The following KLHL28 variants were observed in gnomAD, a reference collection of about 807,000 sequenced individuals.
KLHL28 encodes kelch-like protein 28.
KLHL28 carries 22 observed loss-of-function variants against 48.3 expected under a neutral mutation model. The observed-to-expected ratio is 0.46, with a 90% CI of 0.33 to 0.65. The LOEUF (loss-of-function observed/expected upper bound fraction) is 0.65. Among genes scored for constraint, KLHL28 ranks in the 30% least tolerant of loss-of-function variants. The pLI, the probability that KLHL28 is intolerant of heterozygous loss-of-function variation, is 0.03. For synonymous variants in KLHL28, 243 were observed against 242.4 expected (o/e 1.00, Z -0.02); for missense variants, 527 against 704.3 (o/e 0.75, Z 2.85).
intron 4 of KLHL28, among the ~76,000 whole-genome samples, chr14:44,930,611 G>A (rs1322802905): frequency 6.6e-6 from 1 of 152,138 alleles, no homozygotes; most frequent in African/African-American, 2.4e-5. Flanking sequence ...CAAAGAAAGT[G>A]TTCACTTAAG....
At chr14:44,959,410 T>C (rs1003805045) in intron 1 of KLHL28, 2 of 152,148 alleles carry the variant, frequency 1.3e-5, no homozygotes, top group Non-Finnish European at 2.9e-5. Flanking sequence ...TTAATATTAA[T>C]AGCAACTTTC....
At chr14:44,935,555 C>T (rs1883774207) in intron 2 of KLHL28, among the ~76,000 whole-genome samples, 2 of 151,964 alleles carry the variant, frequency 1.3e-5, no homozygotes, top group Non-Finnish European at 2.9e-5. Flanking sequence ...ATGAATTTCA[C>T]AAACATTGTT....
In KLHL28 at chr14:44,945,629, A is replaced by G. The variant is rs2138632180; in HGVS notation, c.300T>C (p.Ile100=). The part of the protein sequence containing the change: ...VEYAYTGTVF[I]SQDTVESLLP... ...GGAGAGATTCAACTGTGTCCTGAGA[A>G]ATAAAAACAGTCCCTGTATAGGCAT... Residue 100 remains isoleucine (I), a synonymous_variant, in exon 2 of 5, where the codon ATT becomes ATC. Coordinates refer to ENST00000396128, the MANE Select transcript of KLHL28 (RefSeq NM_017658.5). The G allele has an allele frequency of 1.2e-6, 2 of 1,614,204 alleles. No homozygotes were observed. Among genetic ancestry groups the G allele is most frequent in the East Asian group, 4.5e-5 (2 of 44,884 alleles).
At chr14:44,934,022 CAT>C in intron 3 of KLHL28, 91 bp downstream of exon 3, 1 of 973,878 alleles carries the variant, frequency 1.0e-6, no homozygotes, top group Non-Finnish European at 1.5e-6. Flanking sequence ...GAAGTTCATT[CAT>C]ACACACAAAT....
In KLHL28 at chr14:44,945,608, A is replaced by T. The variant is rs140984135; in HGVS notation, c.321T>A (p.Ser107=). 1.7e-3 allele frequency: 2,738 copies of T among 1,614,176 alleles called. 16 individuals are homozygous for T. Among genetic ancestry groups the T allele is most frequent in the Non-Finnish European group, 1.2e-3 (1,448 of 1,180,022 alleles). The change falls in exon 2 of 5, where the codon TCT becomes TCA. Residue 107 remains serine (S), a synonymous_variant. Transcript: ENST00000396128. ...TVFISQDTVE[S]LLPAANLLQI... Reference sequence around the variant, plus strand: ...GGAGTAGGTTTGCTGCTGGCAGGAGAGATTCAACTGTGTCCTGAGAAATAA... The same window carrying T: ...GGAGTAGGTTTGCTGCTGGCAGGAGTGATTCAACTGTGTCCTGAGAAATAA...
At chr14:44,950,035 G>A (rs919440787) in intron 1 of KLHL28, among the ~76,000 whole-genome samples, 25 of 152,152 alleles carry the variant, frequency 1.6e-4, no homozygotes, top group African/African-American at 5.8e-4. Flanking sequence ...TAATGGAACA[G>A]AGGTACTGAG....
At chr14:44,936,556 G>C (rs1469746748) in intron 2 of KLHL28, among the ~76,000 whole-genome samples, 1 of 152,122 alleles carries the variant, frequency 6.6e-6, no homozygotes, top group Non-Finnish European at 1.5e-5. Flanking sequence ...GTTTTTAAGA[G>C]AGCAGAAGGT....
chr14:44,929,211 A>G lies in KLHL28; in HGVS notation c.1553-20T>C, dbSNP rs1326692405. 1 of 1,579,666 alleles carries G rather than the reference A, an allele frequency of 6.3e-7. No individual in the cohort carries two copies. Among genetic ancestry groups the G allele is most frequent in the Non-Finnish European group, 8.6e-7 (1 of 1,161,614 alleles). On this transcript the variant is annotated intron_variant, in intron 4 of 4. Transcript: ENST00000396128. Reference sequence around the variant, plus strand: ...CAACTCCTAGGAAAGGTTGGCAAAAAGAAGATAGAAACATGTTAACCATGA... The same window carrying G: ...CAACTCCTAGGAAAGGTTGGCAAAAGGAAGATAGAAACATGTTAACCATGA...
chr14:44,933,523 A>C (rs535070656), intron 3 of KLHL28, among the ~76,000 whole-genome samples: 91 of 152,206 alleles, frequency 6.0e-4, no homozygotes, highest in African/African-American at 2.2e-3. Flanking sequence ...GTTCAGAATT[A>C]CGATTAATTT....
chr14:44,938,315 G>A (rs1883910811), intron 2 of KLHL28, among the ~76,000 whole-genome samples: 1 of 151,750 alleles, frequency 6.6e-6, no homozygotes, highest in African/African-American at 2.4e-5. Flanking sequence ...GGGAGAAAAA[G>A]GAAATACAAA....
At chr14:44,939,218 G>A (rs1476924044) in intron 2 of KLHL28, among the ~76,000 whole-genome samples, 1 of 152,136 alleles carries the variant, frequency 6.6e-6, no homozygotes, top group African/African-American at 2.4e-5. Flanking sequence ...AGCATGTGGA[G>A]GGTGTCCCAG....
Position 44,931,467 on chromosome 14 carries a change from C to G in KLHL28, c.1418G>C (p.Gly473Ala). 6.2e-7 allele frequency: 1 copy of G among 1,614,020 alleles called. No homozygotes were observed. The highest frequency in any genetic ancestry group is 8.5e-7 in the Non-Finnish European group (1 of 1,179,948). The change falls in exon 4 of 5, where the codon GGC (glycine) becomes GCC (alanine). Residue 473 changes from glycine to alanine, a missense_variant. Coordinates refer to ENST00000396128, the MANE Select transcript of KLHL28 (RefSeq NM_017658.5). ...AATAAAGCCTAGCATGACACCCACGCCAAAGTGAATCCTTTTATCTGCCAT... is the reference window on the plus strand; with the variant it reads ...AATAAAGCCTAGCATGACACCCACGGCAAAGTGAATCCTTTTATCTGCCAT... ...ASMADKRIHF[G>A]VGVMLGFIFV...
At chr14:44,948,265 G>T (rs996091321) in intron 1 of KLHL28, among the ~76,000 whole-genome samples, 2 of 152,052 alleles carry the variant, frequency 1.3e-5, no homozygotes, top group South Asian at 2.1e-4. Flanking sequence ...ATGTAGCTGA[G>T]GTTTTTGAGG....
chr14:44,952,729 T>C (rs935625887), intron 1 of KLHL28, among the ~76,000 whole-genome samples: 1 of 152,110 alleles, frequency 6.6e-6, no homozygotes, highest in Non-Finnish European at 1.5e-5. Context: ...AAATTATACA[T>C]GGCAACTGTG....
chr14:44,944,991 T>C (rs768522453), intron 2 of KLHL28, 39 bp downstream of exon 2: 1 of 1,355,274 alleles, frequency 7.4e-7, no homozygotes, highest in Non-Finnish European at 1.0e-6. Flanking sequence ...AAGCATAAAA[T>C]CAATTAGCAT....
In KLHL28 at chr14:44,958,393, T is replaced by TA. The variant is rs139748762; in HGVS notation, c.-1+3452dup. ...GGTGAACAGAAATCAAGATTACTCT[T>TA]AAAAAAAAAATTCAAACCGACAGTT... On this transcript the variant is annotated intron_variant, in intron 1 of 4. Transcript: ENST00000396128. Among the ~76,000 whole-genome samples, 849 of 149,498 alleles carry TA rather than the reference T, an allele frequency of 5.7e-3. 8 individuals are homozygous for TA. Among genetic ancestry groups the TA allele is most frequent in the African/African-American group, 0.02 (808 of 40,888 alleles).
chr14:44,929,556 TA>T (rs1166767979), intron 4 of KLHL28, among the ~76,000 whole-genome samples: 1 of 152,190 alleles, frequency 6.6e-6, no homozygotes, highest in African/African-American at 2.4e-5. Flanking sequence ...GATATATATG[TA>T]TAGGAAAAAA....
rs1386387275 is a variant in KLHL28 at position 44,926,892 on chromosome 14, A to AT, written c.*2135dup. The AT allele has an allele frequency of 6.6e-6, 1 of 152,572 alleles. No individual in the cohort carries two copies. Among genetic ancestry groups the AT allele is most frequent in the Non-Finnish European group, 1.5e-5 (1 of 68,030 alleles). The allele number at this position is 152,572 out of a possible 1,614,324, so 9.5% of individuals were successfully genotyped here. Reference sequence around the variant, plus strand: ...ATAGTATAATAGGATATATTTAATAATTTGATTGCTATAAACAAAGAAAAC... The same window carrying AT: ...ATAGTATAATAGGATATATTTAATAATTTTGATTGCTATAAACAAAGAAAAC... On this transcript the variant is annotated 3_prime_UTR_variant, in exon 5 of 5. Transcript: ENST00000396128.
At chr14:44,952,523 T>C (rs1045245294) in intron 1 of KLHL28, among the ~76,000 whole-genome samples, 1 of 152,158 alleles carries the variant, frequency 6.6e-6, no homozygotes, top group South Asian at 2.1e-4. Context: ...AAGAAATATT[T>C]AAAATGAAAG....
Sources: allele counts gnomAD v4.1 joint callset (sites outside exome capture counted in the v4.1 genomes callset), GRCh38; gene constraint gnomAD v4.1.1; transcripts MANE v1.5; gene names NCBI Gene and HGNC (gene_info 2026-07-23, HGNC 2026-07-21).